ZBTB45: variants seen among roughly 807,000 people sequenced by gnomAD.
The protein encoded by ZBTB45 is zinc finger and BTB domain containing 45.
ZBTB45 carries 22 observed loss-of-function variants against 28.4 expected under a neutral mutation model. The ratio of observed to expected loss-of-function variants is 0.77; its 90% confidence interval spans 0.55 to 1.10. The LOEUF (loss-of-function observed/expected upper bound fraction) is 1.10, where lower values mean the gene tolerates loss of function less well. Ranked by LOEUF, ZBTB45 falls within the 50% of genes least tolerant of loss-of-function variation. ZBTB45 has a pLI of 0.00. For synonymous variants in ZBTB45, 361 were observed against 332.3 expected (o/e 1.09, Z -0.94); for missense variants, 656 against 750.2 (o/e 0.87, Z 1.47).
intron 1 of ZBTB45, among the ~76,000 whole-genome samples, chr19:58,537,534 C>CT (rs1161272557): frequency 1.3e-5 from 2 of 152,092 alleles, no homozygotes; most frequent in African/African-American, 4.8e-5. Flanking sequence ...CCAGACCCTG[C>CT]TAGCTGTAGA....
chr19:58,518,821 A>ACCAG (rs2068375380), intron 1 of ZBTB45, among the ~76,000 whole-genome samples: 1 of 151,974 alleles, frequency 6.6e-6, no homozygotes. Context: ...TATAGGCTCC[A>ACCAG]CCAGCCTGTC....
intron 1 of ZBTB45, among the ~76,000 whole-genome samples, chr19:58,533,601 T>A (rs1220994569): frequency 1.3e-5 from 2 of 151,970 alleles, no homozygotes; most frequent in Non-Finnish European, 2.9e-5. Flanking sequence ...TGCTACAAAA[T>A]CCACAGGAAA....
At chr19:58,535,160 C>T (rs756146400) in intron 1 of ZBTB45, among the ~76,000 whole-genome samples, 16 of 151,964 alleles carry the variant, frequency 1.1e-4, no homozygotes, top group East Asian at 9.9e-4. Flanking sequence ...TGTGAGCCAC[C>T]GTGCCCAGCC....
rs550916591 is a variant in ZBTB45 at position 58,516,732 on chromosome 19, C to T, written c.942G>A (p.Leu314=). 14 of 1,608,936 alleles carry T rather than the reference C, an allele frequency of 8.7e-6. No homozygotes were observed. Among genetic ancestry groups the T allele is most frequent in the African/African-American group, 2.7e-5 (2 of 74,964 alleles). ...TCACACCAGGCGGGCGGGATCCAGACAGTATGCAGTCGGGCTGGACAGGGG... is the reference window on the plus strand; with the variant it reads ...TCACACCAGGCGGGCGGGATCCAGATAGTATGCAGTCGGGCTGGACAGGGG... ...TETPVQPDCI[L]SGSRPPGVKT... Residue 314 remains leucine, a synonymous_variant, in exon 2 of 3, where the codon CTG becomes CTA. Transcript: ENST00000594051. This position sits in a 1 kb window ranked among gnomAD's most constrained non-coding sequence, Gnocchi z 6.2.
chr19:58,530,613 T>C (rs2053631043), intron 1 of ZBTB45, among the ~76,000 whole-genome samples: 1 of 151,872 alleles, frequency 6.6e-6, no homozygotes, highest in South Asian at 2.1e-4. Context: ...GCCCTACTTT[T>C]AGTTATTATG....
Position 58,517,624 on chromosome 19 carries a change from C to T in ZBTB45, c.50G>A (p.Arg17His), listed in dbSNP as rs117819245. 1.7e-5 allele frequency: 28 copies of T among 1,613,868 alleles called. No individual in the cohort carries two copies. The East Asian group carries it at 3.6e-4, about 21-fold the overall frequency. ...CCCATTGAGGGTCTCAAGCAGAGAG[C>T]GTGAGAAGTTCTGCAGGTGTATGTG... ...VHHIHLQNFS[R>H]SLLETLNGQR... is the part of the protein sequence containing the mutation. The change falls in exon 2 of 3, where the codon CGC becomes CAC. Residue 17 changes from arginine (R) to histidine (H), a missense_variant. Around this residue, in one of 3 missense-constraint regions of ZBTB45, gnomAD observed 105 missense variants for 152.4 expected, o/e 0.69. Coordinates refer to ENST00000594051, the MANE Select transcript of ZBTB45 (RefSeq NM_001316979.2).
At chr19:58,514,336 A>G in intron 2 of ZBTB45, 26 bp from the exon 3 acceptor site, 2 of 1,580,342 alleles carry the variant, frequency 1.3e-6, no homozygotes, top group Non-Finnish European at 1.7e-6. Flanking sequence ...CGGGCCGCGA[A>G]CGCAAGTCAG....
upstream of ZBTB45, among the ~76,000 whole-genome samples, chr19:58,524,793 G>T (rs1332016576): frequency 7.9e-5 from 12 of 151,702 alleles, no homozygotes; most frequent in Non-Finnish European, 1.8e-4. Context: ...TGAGGCAGGA[G>T]AATGGCGTGA....
chr19:58,529,084 C>CAAAAAAA (rs1231496438), intron 1 of ZBTB45, among the ~76,000 whole-genome samples: 1 of 61,446 alleles, frequency 1.6e-5, no homozygotes, highest in East Asian at 4.6e-4. Context: ...AACTCCATCT[C>CAAAAAAA]AAAAAAAAAA....
chr19:58,516,894 A>G lies in ZBTB45; in HGVS notation c.780T>C (p.Thr260=). 1 of 1,613,344 alleles carries G rather than the reference A, an allele frequency of 6.2e-7. No homozygotes were observed. Among genetic ancestry groups the G allele is most frequent in the Non-Finnish European group, 8.5e-7 (1 of 1,180,010 alleles). ...CGGCACCACTGTAGTCAGCGAGGCC[A>G]GTGGGTGCAGGGGGCTCCTCGCACG... ...DSACEEPPAP[T]GLADYSGAGR... is the part of the protein sequence containing the mutation. Residue 260 remains threonine, a synonymous_variant, in exon 2 of 3, where the codon ACT becomes ACC. Transcript: ENST00000594051. The surrounding 1 kb of genome is among the most constrained non-coding windows in gnomAD (Gnocchi z 6.2).
intron 1 of ZBTB45, among the ~76,000 whole-genome samples, chr19:58,533,233 A>T (rs1203496833): frequency 6.6e-6 from 1 of 152,184 alleles, no homozygotes; most frequent in Non-Finnish European, 1.5e-5. Context: ...TAGCCTCCCA[A>T]AGGCATTTTT....
At position 58,534,580 on chromosome 19, in the gene ZBTB45, G is replaced by A. The variant is rs1215963054; in HGVS notation, c.-1+4121C>T. ...AATTTTTTTTTTTTTTTTTTGAGGCGGAGTCTCACTCTGTTGCTCAGGCTG... is the reference window on the plus strand; with the variant it reads ...AATTTTTTTTTTTTTTTTTTGAGGCAGAGTCTCACTCTGTTGCTCAGGCTG... On this transcript the variant is annotated intron_variant, in intron 1 of 1. Transcript: ENST00000600130. Among the ~76,000 whole-genome samples, 8 of 146,138 alleles carry A rather than the reference G, an allele frequency of 5.5e-5. No individual in the cohort carries two copies. In the South Asian group the frequency reaches 8.8e-4, roughly 16 times the overall value.
Position 58,528,818 on chromosome 19 carries a change from C to T in ZBTB45, c.-1+9883G>A, listed in dbSNP as rs180914272. On this transcript the variant is annotated intron_variant, in intron 1 of 1. Coordinates refer to the ZBTB45 transcript ENST00000600130. ...CTGAGGCAGGAGAATCACCTGAACT[C>T]GAGAGGCGGAGGTTGCAGTGAGCTG... Among the ~76,000 whole-genome samples, 1,340 of 152,094 alleles carry T rather than the reference C, an allele frequency of 8.8e-3. 9 individuals are homozygous for T. The highest frequency in any genetic ancestry group is 0.017 in the Middle Eastern group (5 of 292).
intron 1 of ZBTB45, among the ~76,000 whole-genome samples, chr19:58,526,534 T>TTA (rs1568649933): frequency 2.7e-5 from 2 of 74,472 alleles, no homozygotes; most frequent in Non-Finnish European, 5.6e-5. Flanking sequence ...TATTTTTTTT[T>TTA]TTTTTTTTTT....
chr19:58,514,120 G>C lies in ZBTB45; in HGVS notation c.1470C>G (p.Ala490=), dbSNP rs774398155. The C allele has an allele frequency of 1.7e-5, 27 of 1,593,222 alleles. No individual in the cohort carries two copies. In the African/African-American group the frequency reaches 3.2e-4, roughly 19 times the overall value. ...CGCGGTGCGAGAAGACCTTGCCGCAGGCGGGGCAGGGCGCGCGCTCGGGCC... is the reference window on the plus strand; with the variant it reads ...CGCGGTGCGAGAAGACCTTGCCGCACGCGGGGCAGGGCGCGCGCTCGGGCC... ...THRPERAPCP[A]CGKVFSHRAL... Residue 490 remains alanine (A), a synonymous_variant, in exon 3 of 3, where the codon GCC becomes GCG. Transcript: ENST00000594051.
chr19:58,529,689 A>G (rs2053626248), intron 1 of ZBTB45, among the ~76,000 whole-genome samples: 1 of 152,136 alleles, frequency 6.6e-6, no homozygotes, highest in Non-Finnish European at 1.5e-5. Flanking sequence ...TACACATGCC[A>G]TGGTGGTTTG....
chr19:58,516,037 G>C lies in ZBTB45; in HGVS notation c.1279+358C>G, dbSNP rs565554739. ...GCTGGAAACCAGAGAGACACAGGAG[G>C]CTCCCTGGAGCATAGTTTCCCAACC... On this transcript the variant is annotated intron_variant, in intron 2 of 2. Coordinates refer to ENST00000594051, the MANE Select transcript of ZBTB45 (RefSeq NM_001316979.2). This position sits in a 1 kb window ranked among gnomAD's most constrained non-coding sequence, Gnocchi z 6.2. Among the ~76,000 whole-genome samples the C allele has an allele frequency of 6.6e-6, 1 of 152,236 alleles. No homozygotes were observed. The highest frequency in any genetic ancestry group is 6.5e-5 in the Admixed American group (1 of 15,288).
rs201106246 is a variant in ZBTB45 at position 58,516,479 on chromosome 19, C to G, written c.1195G>C (p.Glu399Gln). The change falls in exon 2 of 3, where the codon GAG becomes CAG. Residue 399 changes from glutamate (E) to glutamine (Q), a missense_variant. By Grantham distance (29) the Glu-to-Gln change is conservative. Coordinates refer to ENST00000594051, the MANE Select transcript of ZBTB45 (RefSeq NM_001316979.2). This position sits in a 1 kb window ranked among gnomAD's most constrained non-coding sequence, Gnocchi z 6.2. ...TGGCTGCACTCATACGTAGGTGGCTCAGCACCTGGGGTGCGAGCAGGGGTG... is the reference window on the plus strand; with the variant it reads ...TGGCTGCACTCATACGTAGGTGGCTGAGCACCTGGGGTGCGAGCAGGGGTG... ...SGTPARTPGAEPPTYECSHCR... is the reference protein window; with the variant it reads ...SGTPARTPGAQPPTYECSHCR... 1.2e-6 allele frequency: 2 copies of G among 1,613,910 alleles called. No individual in the cohort carries two copies. The highest frequency in any genetic ancestry group is 1.7e-6 in the Non-Finnish European group (2 of 1,179,862).
chr19:58,524,433 A>ATGTGTG (rs1364446202), upstream of ZBTB45, among the ~76,000 whole-genome samples: 2,519 of 111,656 alleles, frequency 0.023, 78 homozygotes, highest in African/African-American at 0.089. Flanking sequence ...GTGTGTTCAT[A>ATGTGTG]TATGTGTGTG....
Sources: gnomAD v4.1 joint callset for allele counts (sites outside exome capture counted in the v4.1 genomes callset) on GRCh38, gnomAD v4.1.1 for gene constraint, gnomAD v4.1.1 regional missense constraint, Gnocchi (gnomAD v3.1) non-coding constraint, MANE v1.5 for transcripts, NCBI Gene and HGNC (gene_info 2026-07-23, HGNC 2026-07-21) for gene names.